The following SNTG1 variants were observed in gnomAD, a reference collection of about 807,000 sequenced individuals.
SNTG1 encodes syntrophin gamma 1.
A neutral mutation model predicts 74.7 loss-of-function variants in SNTG1; 39 were observed. The observed-to-expected ratio is 0.52, with a 90% CI of 0.40 to 0.68. The LOEUF (loss-of-function observed/expected upper bound fraction) is 0.68. Ranked by LOEUF, SNTG1 falls within the 30% of genes least tolerant of loss-of-function variation. The probability of loss-of-function intolerance (pLI) is 0.00; values close to 1 mark genes in which losing one functional copy is unlikely to be tolerated. For synonymous variants in SNTG1, 254 were observed against 217.1 expected (o/e 1.17, Z -1.49); for missense variants, 685 against 609.5 (o/e 1.12, Z -1.30).
At chr8:50,180,750 CTTTTTTTTTTT>C (rs60630226) in intron 2 of SNTG1, among the ~76,000 whole-genome samples, 4 of 80,666 alleles carry the variant, frequency 5.0e-5, no homozygotes, top group Admixed American at 1.7e-4. Flanking sequence ...ATTGTGAAGC[CTTTTTTTTTTT>C]TTTTTTTTTT....
At chr8:50,258,153 C>A (rs2130031159) in intron 2 of SNTG1, among the ~76,000 whole-genome samples, 1 of 152,270 alleles carries the variant, frequency 6.6e-6, no homozygotes, top group South Asian at 2.1e-4. Flanking sequence ...AATCAATATG[C>A]AGAGTTGCTA....
Position 50,010,998 on chromosome 8 carries a change from TG to T in SNTG1, c.-103+98768del, listed in dbSNP as rs1454402768. Among the ~76,000 whole-genome samples, 5 of 152,072 alleles carry T rather than the reference TG, an allele frequency of 3.3e-5. No homozygotes were observed. In the East Asian group the frequency reaches 9.6e-4, roughly 29 times the overall value. ...AAAATATATATACCACTTGACTTACTGTGAATGAATAAAATGAGACTGATTT... is the reference window on the plus strand; with the variant it reads ...AAAATATATATACCACTTGACTTACTTGAATGAATAAAATGAGACTGATTT... On this transcript the variant is annotated intron_variant, in intron 1 of 18. Transcript: ENST00000642720.
chr8:50,331,282 C>T (rs749548524), intron 2 of SNTG1, among the ~76,000 whole-genome samples: 5 of 152,018 alleles, frequency 3.3e-5, no homozygotes, highest in Admixed American at 6.6e-5. Context: ...GGCTGGTGTA[C>T]CCTCTAAAGT....
intron 18 of SNTG1, among the ~76,000 whole-genome samples, chr8:50,780,375 T>A (rs754330653): frequency 2.6e-5 from 4 of 152,220 alleles, no homozygotes; most frequent in Non-Finnish European, 5.9e-5. Context: ...TTGCCACAAT[T>A]TCAGAGCCTA....
intron 15 of SNTG1, among the ~76,000 whole-genome samples, chr8:50,701,802 CTTCTT>C (rs1563762008): frequency 6.8e-6 from 1 of 146,160 alleles, no homozygotes; most frequent in Admixed American, 6.8e-5. Context: ...TCCTCCTCCT[CTTCTT>C]CTTCTTCTTC....
At chr8:50,115,266 T>G (rs1032919839) in intron 1 of SNTG1, among the ~76,000 whole-genome samples, 1 of 151,584 alleles carries the variant, frequency 6.6e-6, no homozygotes, top group Non-Finnish European at 1.5e-5. Context: ...ACAGTGTGAG[T>G]GAGAGGGTTA....
intron 18 of SNTG1, among the ~76,000 whole-genome samples, chr8:50,788,527 T>C (rs1474714126): frequency 6.6e-6 from 1 of 151,946 alleles, no homozygotes; most frequent in Non-Finnish European, 1.5e-5. Flanking sequence ...GCTAAGCGTG[T>C]GGGAGTTGTT....
chr8:50,448,580 G>A (rs1563401056), intron 5 of SNTG1, among the ~76,000 whole-genome samples: 1 of 152,114 alleles, frequency 6.6e-6, no homozygotes, highest in Non-Finnish European at 1.5e-5. Flanking sequence ...ATTCTTTTAT[G>A]TACTGATTTC....
chr8:50,457,454 G>A (rs899248079), intron 8 of SNTG1, among the ~76,000 whole-genome samples: 1 of 152,102 alleles, frequency 6.6e-6, no homozygotes, highest in Non-Finnish European at 1.5e-5. Context: ...GCCTTCCCAA[G>A]GAGCAAATGT....
Position 50,793,730 on chromosome 8 carries a change from C to G in SNTG1, c.*901C>G, listed in dbSNP as rs928613090. 1 of 151,792 alleles carries G rather than the reference C, an allele frequency of 6.6e-6. No homozygotes were observed. Among genetic ancestry groups the G allele is most frequent in the Non-Finnish European group, 1.5e-5 (1 of 67,864 alleles). 9.4% of individuals were successfully genotyped at this position (151,792 alleles called of 1,614,324 possible). A position where few individuals can be genotyped will look rare whatever the true frequency, so the allele number is the denominator to read the frequency against. ...ATATAAACAAATATGGTGTGAGAAACAATTCTTTGTAATCCGAAGTCTACT... is the reference window on the plus strand; with the variant it reads ...ATATAAACAAATATGGTGTGAGAAAGAATTCTTTGTAATCCGAAGTCTACT... On this transcript the variant is annotated 3_prime_UTR_variant, in exon 19 of 19. Transcript: ENST00000642720.
chr8:50,499,477 G>A (rs1267485601), intron 8 of SNTG1, among the ~76,000 whole-genome samples: 1 of 148,772 alleles, frequency 6.7e-6, no homozygotes, highest in Admixed American at 6.7e-5. Flanking sequence ...CATGTCATCT[G>A]CAGATAGAGG....
intron 1 of SNTG1, among the ~76,000 whole-genome samples, chr8:49,964,768 G>T (rs990619898): frequency 2.0e-5 from 3 of 152,006 alleles, no homozygotes; most frequent in African/African-American, 7.2e-5. Context: ...TATTTATCCA[G>T]TTCCATGATA....
intron 5 of SNTG1, among the ~76,000 whole-genome samples, chr8:50,444,353 G>A (rs921243338): frequency 3.9e-5 from 6 of 152,100 alleles, no homozygotes; most frequent in Non-Finnish European, 8.8e-5. Flanking sequence ...GCATGGACGT[G>A]CTTGCATACA....
chr8:50,058,734 TTGTGTGTGTG>T (rs71235777), intron 1 of SNTG1, among the ~76,000 whole-genome samples: 4 of 145,656 alleles, frequency 2.7e-5, no homozygotes, highest in Non-Finnish European at 6.1e-5. Flanking sequence ...TTACTTACAT[TTGTGTGTGTG>T]TGTGTGTGTG....
chr8:50,512,029 G>C (rs192523430), intron 9 of SNTG1, among the ~76,000 whole-genome samples: 3 of 152,040 alleles, frequency 2.0e-5, no homozygotes, highest in Non-Finnish European at 4.4e-5. Flanking sequence ...TTTACAATTT[G>C]GCATGTTTTT....
intron 4 of SNTG1, among the ~76,000 whole-genome samples, chr8:50,426,853 C>T (rs59527693): frequency 0.012 from 1,822 of 152,006 alleles, 36 homozygotes; most frequent in African/African-American, 0.038. Flanking sequence ...AAAGCAATAA[C>T]GTATAATAAC....
At chr8:50,102,681 T>C (rs1435646965) in intron 1 of SNTG1, among the ~76,000 whole-genome samples, 1 of 150,738 alleles carries the variant, frequency 6.6e-6, no homozygotes, top group Admixed American at 6.6e-5. Context: ...TCTAGGGTTT[T>C]TATGGTTTTA....
At chr8:50,298,121 G>A (rs145676321) in intron 2 of SNTG1, among the ~76,000 whole-genome samples, 26 of 152,094 alleles carry the variant, frequency 1.7e-4, no homozygotes, top group African/African-American at 5.8e-4. Context: ...ATAAAGGCCT[G>A]ATCCAACGGC....
rs1222114756 is a variant in SNTG1 at position 50,553,141 on chromosome 8, G to T, written c.772G>T (p.Ala258Ser). 8 of 1,613,880 alleles carry T rather than the reference G, an allele frequency of 5.0e-6. No homozygotes were observed. Among genetic ancestry groups the T allele is most frequent in the East Asian group, 2.2e-5 (1 of 44,846 alleles). Residue 258 changes from alanine (A) to serine (S), a missense_variant, in exon 12 of 19, where the codon GCA (alanine) becomes TCA (serine). Ala to Ser is a moderately conservative substitution (Grantham distance 99, BLOSUM62 1). Transcript: ENST00000642720. ...SAEDCVDWLQ[A>S]IATNISNLTK... is the part of the protein sequence containing the mutation. ...TGAAGACTGCGTTGACTGGCTACAA[G>T]CAATAGCAACTAACATTTCAAATCT...
Sources: allele counts gnomAD v4.1 joint callset (sites outside exome capture counted in the v4.1 genomes callset), GRCh38; gene constraint gnomAD v4.1.1; transcripts MANE v1.5; gene names NCBI Gene and HGNC (gene_info 2026-07-23, HGNC 2026-07-21).